Variants in LOC128706665 observed in about 807,000 individuals in gnomAD.
chr20:10,429,735 T>C, the LOC128706665 span, among the ~76,000 whole-genome samples: 1 of 152,208 alleles, frequency 6.6e-6, no homozygotes, highest in East Asian at 1.9e-4. Flanking sequence ...CCCTCCTCCC[T>C]AGGGTCACAG....
chr20:10,417,656 C>A, the LOC128706665 span, among the ~76,000 whole-genome samples: 2 of 111,248 alleles, frequency 1.8e-5, no homozygotes, highest in East Asian at 4.3e-4. Flanking sequence ...TGCTACTGCA[C>A]TGTAGCCTTC....
the LOC128706665 span, among the ~76,000 whole-genome samples, chr20:10,425,746 T>C: frequency 1.3e-5 from 2 of 152,216 alleles, no homozygotes; most frequent in African/African-American, 4.8e-5. Context: ...AAGTTAGTGT[T>C]TGATGCTCAT....
chr20:10,423,187 C>T, the LOC128706665 span, among the ~76,000 whole-genome samples: 3 of 152,010 alleles, frequency 2.0e-5, no homozygotes, highest in African/African-American at 7.2e-5. Context: ...AAGTGTAATC[C>T]TAACACTTCG....
the LOC128706665 span, among the ~76,000 whole-genome samples, chr20:10,422,139 AT>A: frequency 6.6e-6 from 1 of 152,208 alleles, no homozygotes. Context: ...AAAAGATGTT[AT>A]CTTATAGCTA....
At chr20:10,428,942 G>C in the LOC128706665 span, among the ~76,000 whole-genome samples, 2 of 152,084 alleles carry the variant, frequency 1.3e-5, no homozygotes, top group African/African-American at 2.4e-5. Context: ...TGTCTTTGGG[G>C]TTCTAACTTC....
the LOC128706665 span, among the ~76,000 whole-genome samples, chr20:10,430,207 C>T: frequency 6.6e-6 from 1 of 152,260 alleles, no homozygotes; most frequent in Admixed American, 6.5e-5. Flanking sequence ...CACTTTAAAT[C>T]ATTTTTGTAA....
chr20:10,427,212 A>G, the LOC128706665 span, among the ~76,000 whole-genome samples: 2 of 152,206 alleles, frequency 1.3e-5, no homozygotes, highest in Non-Finnish European at 2.9e-5. Context: ...CTTCCTGCAA[A>G]ATTAGGCCTA....
the LOC128706665 span, among the ~76,000 whole-genome samples, chr20:10,426,491 C>T: frequency 1.3e-5 from 2 of 150,082 alleles, no homozygotes; most frequent in East Asian, 3.9e-4. Context: ...CCTCCGCATG[C>T]CAGATTTAAG....
chr20:10,424,643 A>G, the LOC128706665 span, among the ~76,000 whole-genome samples: 1 of 152,168 alleles, frequency 6.6e-6, no homozygotes, highest in African/African-American at 2.4e-5. Context: ...GTAATGTGTT[A>G]TTTATTTTGT....
chr20:10,427,590 A>C, the LOC128706665 span, among the ~76,000 whole-genome samples: 1 of 152,172 alleles, frequency 6.6e-6, no homozygotes, highest in Non-Finnish European at 1.5e-5. Context: ...TTTTATCCTC[A>C]ATTTTTAATA....
At chr20:10,426,513 C>T in the LOC128706665 span, among the ~76,000 whole-genome samples, 1 of 152,316 alleles carries the variant, frequency 6.6e-6, no homozygotes, top group Non-Finnish European at 1.5e-5. Flanking sequence ...GATTCTCGTA[C>T]CTCAGCCTCC....
the LOC128706665 span, among the ~76,000 whole-genome samples, chr20:10,417,829 C>T: frequency 9.3e-3 from 1,411 of 151,600 alleles, 19 homozygotes; most frequent in Middle Eastern, 0.041. Flanking sequence ...GATATAATTA[C>T]GAGATTACAG....
the LOC128706665 span, among the ~76,000 whole-genome samples, chr20:10,429,371 T>C: frequency 3.9e-5 from 6 of 152,208 alleles, no homozygotes; most frequent in Non-Finnish European, 1.5e-5. Flanking sequence ...CTGTCTTTGG[T>C]AGTGTTTGTT....
chr20:10,414,264 T>TA, the LOC128706665 span, among the ~76,000 whole-genome samples: 19 of 143,400 alleles, frequency 1.3e-4, no homozygotes, highest in African/African-American at 5.2e-4. Flanking sequence ...GGTCTCTGAG[T>TA]CTTTTTTTTT....
At chr20:10,426,322 G>C in the LOC128706665 span, among the ~76,000 whole-genome samples, 1 of 152,184 alleles carries the variant, frequency 6.6e-6, no homozygotes, top group Non-Finnish European at 1.5e-5. Context: ...GTGTGATCAC[G>C]GATGAGGGGA....
chr20:10,428,623 G>C, the LOC128706665 span, among the ~76,000 whole-genome samples: 1 of 152,156 alleles, frequency 6.6e-6, no homozygotes, highest in East Asian at 1.9e-4. Flanking sequence ...TGGATCACTT[G>C]AGGTCAGGAT....
chr20:10,419,736 A>C, the LOC128706665 span, among the ~76,000 whole-genome samples: 1 of 152,234 alleles, frequency 6.6e-6, no homozygotes, highest in Non-Finnish European at 1.5e-5. Context: ...GTGACTAACG[A>C]GCAGGTAGAC....
the LOC128706665 span, among the ~76,000 whole-genome samples, chr20:10,418,432 A>G: frequency 1.3e-5 from 2 of 152,176 alleles, no homozygotes; most frequent in African/African-American, 4.8e-5. Flanking sequence ...AAGAATAGAA[A>G]ATAAGAGACA....
chr20:10,419,335 A>T, the LOC128706665 span, among the ~76,000 whole-genome samples: 1 of 152,170 alleles, frequency 6.6e-6, no homozygotes, highest in Non-Finnish European at 1.5e-5. Flanking sequence ...AGATTTTATA[A>T]ATACAATATA....
Sources: allele counts gnomAD v4.1 joint callset (sites outside exome capture counted in the v4.1 genomes callset), GRCh38; gene constraint gnomAD v4.1.1; transcripts MANE v1.5.